Variants in CTNNA3 observed in about 807,000 individuals in gnomAD.
CTNNA3 encodes catenin alpha-3.
Under a neutral mutation model 95.7 loss-of-function variants are expected in CTNNA3, and 76 were observed. The ratio of observed to expected loss-of-function variants is 0.79; its 90% CI spans 0.66 to 0.96. The LOEUF is 0.96. CTNNA3 is among the 40% of genes least tolerant of loss of function. The probability of loss-of-function intolerance (pLI) is 0.00; values close to 1 mark genes in which losing one functional copy is unlikely to be tolerated. For synonymous variants in CTNNA3, 431 were observed against 374.4 expected (o/e 1.15, Z -1.74); for missense variants, 1,191 against 1,089.8 (o/e 1.09, Z -1.31).
intron 11 of CTNNA3, among the ~76,000 whole-genome samples, chr10:66,406,008 G>A (rs547467103): frequency 6.6e-6 from 1 of 152,238 alleles, no homozygotes; most frequent in South Asian, 2.1e-4. Flanking sequence ...TCACTCCACA[G>A]TGGAAAGAGA....
At chr10:67,350,910 G>GTGTGTATATATATA in intron 5 of CTNNA3, among the ~76,000 whole-genome samples, 1 of 141,818 alleles carries the variant, frequency 7.1e-6, no homozygotes, top group African/African-American at 2.6e-5. Context: ...AAAAGTATGT[G>GTGTGTATATATATA]TATATATATA....
chr10:66,869,508 G>T (rs913863958), intron 7 of CTNNA3, among the ~76,000 whole-genome samples: 1 of 152,064 alleles, frequency 6.6e-6, no homozygotes, highest in African/African-American at 2.4e-5. Flanking sequence ...GGGAGGCGGA[G>T]GTTGCAGTGA....
chr10:66,362,507 T>C (rs553726444), intron 12 of CTNNA3, among the ~76,000 whole-genome samples: 1 of 151,986 alleles, frequency 6.6e-6, no homozygotes, highest in South Asian at 2.1e-4. Flanking sequence ...GATCAGGAGT[T>C]TGAGACTGGC....
intron 15 of CTNNA3, among the ~76,000 whole-genome samples, chr10:66,008,681 T>C (rs1198370976): frequency 6.6e-6 from 1 of 152,242 alleles, no homozygotes; most frequent in Non-Finnish European, 1.5e-5. Context: ...ATATACATTT[T>C]AAAGAGATCA....
chr10:66,048,393 T>G (rs555662949), intron 15 of CTNNA3, among the ~76,000 whole-genome samples: 1 of 152,274 alleles, frequency 6.6e-6, no homozygotes, highest in South Asian at 2.1e-4. Context: ...CCCTATTCAA[T>G]GAATGGTGCT....
Position 66,315,908 on chromosome 10 carries a change from T to G in CTNNA3, c.1733-35287A>C, listed in dbSNP as rs1277830735. ...AAAAGATTTTAAAGTCAGTCACACC[T>G]TTATTCCCTTCATCTTAACATCATA... On this transcript the variant is annotated intron_variant, in intron 12 of 17. Coordinates refer to ENST00000433211, the MANE Select transcript of CTNNA3 (RefSeq NM_013266.4). 2.6e-5 allele frequency among the ~76,000 whole-genome samples: 4 copies of G among 152,126 alleles called. 1 individual carries two copies. Among genetic ancestry groups the G allele is most frequent in the African/African-American group, 7.2e-5 (3 of 41,444 alleles).
intron 9 of CTNNA3, among the ~76,000 whole-genome samples, chr10:66,622,709 A>G (rs762688678): frequency 2.2e-4 from 34 of 152,132 alleles, no homozygotes; most frequent in Non-Finnish European, 4.4e-4. Flanking sequence ...CAGTTGTTTT[A>G]TACTTTAACG....
At position 66,465,974 on chromosome 10, in the gene CTNNA3, A is replaced by T. The variant is rs993992386; in HGVS notation, c.1531+54643T>A. ...TTTGTGATGGTTAATTTTATGCCAC[A>T]GTACTCAGATATTTGGCTAAACATG... is the stretch of plus-strand genomic sequence containing the variant. On this transcript the variant is annotated intron_variant, in intron 11 of 17. Transcript: ENST00000433211. 5.6e-4 allele frequency among the ~76,000 whole-genome samples: 85 copies of T among 152,138 alleles called. 1 individual carries two copies. Among genetic ancestry groups the T allele is most frequent in the African/African-American group, 1.9e-3 (77 of 41,442 alleles).
chr10:66,410,970 A>G (rs2093099860), intron 11 of CTNNA3, among the ~76,000 whole-genome samples: 1 of 152,206 alleles, frequency 6.6e-6, no homozygotes, highest in African/African-American at 2.4e-5. Flanking sequence ...AGTGAAGTGA[A>G]TTACCCAAGA....
chr10:67,211,475 T>C (rs1196490536), intron 6 of CTNNA3, among the ~76,000 whole-genome samples: 1 of 152,182 alleles, frequency 6.6e-6, no homozygotes, highest in East Asian at 1.9e-4. Context: ...GGAGATGTTG[T>C]CCTTCTTTTA....
At chr10:67,520,560 C>T (rs1447420666) in intron 5 of CTNNA3, among the ~76,000 whole-genome samples, 7 of 152,090 alleles carry the variant, frequency 4.6e-5, no homozygotes, top group Non-Finnish European at 1.0e-4. Context: ...TAGTAGCACT[C>T]AGTAACCATC....
At chr10:66,009,722 C>T (rs1001690144) in intron 15 of CTNNA3, among the ~76,000 whole-genome samples, 3 of 152,094 alleles carry the variant, frequency 2.0e-5, no homozygotes, top group Non-Finnish European at 4.4e-5. Flanking sequence ...GAGATTGTCA[C>T]CCCTTTCTAC....
chr10:66,729,129 G>T (rs570283410), intron 9 of CTNNA3, among the ~76,000 whole-genome samples: 10 of 152,062 alleles, frequency 6.6e-5, no homozygotes, highest in Non-Finnish European at 1.3e-4. Flanking sequence ...TTGTACCAGT[G>T]CTATAAAAAG....
intron 7 of CTNNA3, among the ~76,000 whole-genome samples, chr10:66,849,212 G>A (rs1305625473): frequency 6.6e-6 from 1 of 152,154 alleles, no homozygotes; most frequent in East Asian, 1.9e-4. Flanking sequence ...CTTTGGTGGA[G>A]TCTAGTTGTT....
rs75058400 is a variant in CTNNA3 at position 65,979,224 on chromosome 10, T to G, written c.2265+9468A>C. On this transcript the variant is annotated intron_variant, in intron 16 of 17. Transcript: ENST00000433211. Reference sequence around the variant, plus strand: ...CAGCTATTGAGAAAGTGACATGTACTTTGAACACAATACAAATTAAAGACA... The same window carrying G: ...CAGCTATTGAGAAAGTGACATGTACGTTGAACACAATACAAATTAAAGACA... Among the ~76,000 whole-genome samples the G allele has an allele frequency of 5.3e-3, 806 of 152,298 alleles. 9 individuals carry two copies. The highest frequency in any genetic ancestry group is 0.024 in the East Asian group (124 of 5,186).
At chr10:67,382,687 G>A (rs1843992773) in intron 5 of CTNNA3, among the ~76,000 whole-genome samples, 1 of 152,088 alleles carries the variant, frequency 6.6e-6, no homozygotes, top group South Asian at 2.1e-4. Context: ...ACCTGAGGCT[G>A]GGTGATTTAT....
At chr10:67,554,543 C>T (rs928726634) in intron 3 of CTNNA3, among the ~76,000 whole-genome samples, 1 of 152,228 alleles carries the variant, frequency 6.6e-6, no homozygotes, top group African/African-American at 2.4e-5. Context: ...CTGTTGGCTG[C>T]ATAAATGTCT....
intron 5 of CTNNA3, among the ~76,000 whole-genome samples, chr10:67,249,134 T>C (rs909293740): frequency 6.6e-6 from 1 of 151,994 alleles, no homozygotes; most frequent in African/African-American, 2.4e-5. Flanking sequence ...TATCAAAGAG[T>C]ACTATAAAGT....
At chr10:66,603,953 T>G (rs1206300409) in intron 10 of CTNNA3, among the ~76,000 whole-genome samples, 1 of 151,934 alleles carries the variant, frequency 6.6e-6, no homozygotes, top group African/African-American at 2.4e-5. Context: ...AACATAAACA[T>G]AAGATCTGAA....
Sources: gnomAD v4.1 joint callset for allele counts (sites outside exome capture counted in the v4.1 genomes callset) on GRCh38, gnomAD v4.1.1 for gene constraint, MANE v1.5 for transcripts, NCBI Gene and HGNC (gene_info 2026-07-23, HGNC 2026-07-21) for gene names.